The following VWA2 variants were observed in gnomAD, a reference collection of about 807,000 sequenced individuals.
VWA2 encodes von Willebrand factor A domain containing 2.
A neutral mutation model predicts 70.4 loss-of-function variants in VWA2; 73 were observed. The ratio of observed to expected loss-of-function variants is 1.04; its 90% CI spans 0.86 to 1.26. The LOEUF (loss-of-function observed/expected upper bound fraction) is 1.26. Ranked by LOEUF, VWA2 falls within the 50% of genes most tolerant of loss-of-function variation. The probability of loss-of-function intolerance (pLI) is 0.00; values close to 1 mark genes in which losing one functional copy is unlikely to be tolerated. For missense variants in VWA2, 1,011 were observed against 998.5 expected (o/e 1.01, Z -0.17); for synonymous variants, 407 against 423.3 (o/e 0.96, Z 0.47).
At chr10:114,246,267 G>C in intron 1 of VWA2, 1 of 707,496 alleles carries the variant, frequency 1.4e-6, no homozygotes, top group Non-Finnish European at 2.5e-6. Flanking sequence ...TCGGGAGGCC[G>C]AGGCGGTCGT....
chr10:114,278,911 G>T (rs2037920942), intron 8 of VWA2, 60 bp downstream of exon 8: 1 of 1,603,334 alleles, frequency 6.2e-7, no homozygotes, highest in Non-Finnish European at 8.5e-7. Flanking sequence ...CCCCTGAGCT[G>T]CGGGGAGGAT....
At chr10:114,246,122 T>TG in intron 1 of VWA2, 2 of 871,184 alleles carry the variant, frequency 2.3e-6, no homozygotes, top group Non-Finnish European at 3.7e-6. Context: ...GGTAGATCTC[T>TG]GGAGCCTTGG....
chr10:114,280,445 G>A (rs1462068406), intron 8 of VWA2, among the ~76,000 whole-genome samples: 1 of 152,178 alleles, frequency 6.6e-6, no homozygotes, highest in Non-Finnish European at 1.5e-5. Flanking sequence ...GTAGGCGGGG[G>A]GTTGGGGCAA....
chr10:114,240,206 C>T (rs2133269549), intron 1 of VWA2, among the ~76,000 whole-genome samples: 1 of 152,334 alleles, frequency 6.6e-6, no homozygotes, highest in African/African-American at 2.4e-5. Context: ...TGACTTCCCC[C>T]ACCTGGCTCA....
Position 114,277,933 on chromosome 10 carries a change from C to T in VWA2, c.586C>T (p.Leu196=), listed in dbSNP as rs1240195812. The part of the protein sequence containing the change: ...RFPRWEELHA[L]ASEPRGQHVL... ...GCACAGGTGGGAGGAGCTGCATGCA[C>T]TGGCCAGCGAGCCTAGAGGGCAGCA... Residue 196 remains leucine, a synonymous_variant, in exon 7 of 14, where the codon CTG becomes TTG. Coordinates refer to ENST00000392982, the MANE Select transcript of VWA2 (RefSeq NM_001272046.2). The T allele has an allele frequency of 6.2e-7, 1 of 1,609,988 alleles. No homozygotes were observed. The highest frequency in any genetic ancestry group is 1.7e-5 in the Admixed American group (1 of 59,908).
At chr10:114,254,708 G>T (rs1275823330) in intron 3 of VWA2, among the ~76,000 whole-genome samples, 8 of 152,188 alleles carry the variant, frequency 5.3e-5, no homozygotes, top group Non-Finnish European at 1.0e-4. Context: ...TAATACAAAG[G>T]CTTTCACGTA....
chr10:114,281,212 C>G (rs983366273), intron 8 of VWA2: 1 of 152,282 alleles, frequency 6.6e-6, no homozygotes, highest in African/African-American at 2.4e-5. Flanking sequence ...GGGAATGTTT[C>G]TGCCAAGGCC....
In VWA2 at chr10:114,275,019, C is replaced by T. The variant is rs971790804; in HGVS notation, c.566+2085C>T. The stretch of plus-strand genomic sequence containing the variant: ...ACATTGTACAGCTCAGTGTGGGAGC[C>T]GAGCAGACAGTTGGGTGTGAGAATC... On this transcript the variant is annotated intron_variant, in intron 6 of 13. Coordinates refer to ENST00000392982, the MANE Select transcript of VWA2 (RefSeq NM_001272046.2). 5.3e-5 allele frequency among the ~76,000 whole-genome samples: 8 copies of T among 151,982 alleles called. No individual in the cohort carries two copies. In the East Asian group the frequency reaches 7.7e-4, roughly 15 times the overall value.
Position 114,255,018 on chromosome 10 carries a change from C to A in VWA2, c.231C>A (p.Val77=). The change falls in exon 4 of 14, where the codon GTC becomes GTA. Residue 77 remains valine, a synonymous_variant. Coordinates refer to ENST00000392982, the MANE Select transcript of VWA2 (RefSeq NM_001272046.2). ...FERSKHFAIT[V]CDGLDISPER... ...GGTCCAAGCACTTTGCCATCACAGT[C>A]TGTGACGGTCTGGACATCAGCCCCG... is the stretch of plus-strand genomic sequence containing the variant. 1 of 1,612,752 alleles carries A rather than the reference C, an allele frequency of 6.2e-7. No homozygotes were observed. Among genetic ancestry groups the A allele is most frequent in the Non-Finnish European group, 8.5e-7 (1 of 1,179,936 alleles).
chr10:114,272,753 G>T lies in VWA2; in HGVS notation c.385G>T (p.Glu129Ter). The T allele has an allele frequency of 6.2e-7, 1 of 1,607,184 alleles. No individual in the cohort carries two copies. The highest frequency in any genetic ancestry group is 1.1e-5 in the South Asian group (1 of 89,870). ...KRMVFKGGRT[E>*]TELALKYLLH... ...GGGTGTGCACAGAGGAGGGCGCACGGAGACGGAACTTGCTCTGAAATACCT... is the reference window on the plus strand; with the variant it reads ...GGGTGTGCACAGAGGAGGGCGCACGTAGACGGAACTTGCTCTGAAATACCT... Residue 129 changes from glutamate to a stop codon, truncating the protein, a stop_gained, in exon 6 of 14, where the codon GAG (glutamate) becomes TAG (stop). Transcript: ENST00000392982. LOFTEE classifies it high-confidence loss of function.
intron 4 of VWA2, among the ~76,000 whole-genome samples, chr10:114,256,611 A>G (rs1310046304): frequency 6.6e-6 from 1 of 152,180 alleles, no homozygotes; most frequent in Non-Finnish European, 1.5e-5. Flanking sequence ...CTCAAAAGTC[A>G]ACTTAAAAAT....
At chr10:114,284,614 C>G (rs544906170) in intron 9 of VWA2, among the ~76,000 whole-genome samples, 1 of 152,362 alleles carries the variant, frequency 6.6e-6, no homozygotes. Flanking sequence ...TTCAGTCTAA[C>G]ACCAGTTCAT....
rs370540434 is a variant in VWA2, at chr10:114,286,169, C to T, written c.1228C>T (p.Leu410Phe). The change falls in exon 11 of 14, where the codon CTC (leucine) becomes TTC (phenylalanine). Residue 410 changes from leucine to phenylalanine, a missense_variant. Physicochemically the swap from Leu to Phe is conservative, Grantham distance 22. Transcript: ENST00000392982. ...YQDVPDLVWS[L>F]DGIPFRGGPT... ...GGATGTGCCTGACCTGGTCTGGAGC[C>T]TCGATGGCATTCCCTTCCGTGGTGG... 1.9e-6 allele frequency: 3 copies of T among 1,613,962 alleles called. No homozygotes were observed. In the African/African-American group the frequency reaches 4.0e-5, roughly 22 times the overall value.
chr10:114,241,725 G>A (rs3851558), intron 1 of VWA2, among the ~76,000 whole-genome samples: 38,320 of 152,076 alleles, frequency 0.25, 5,137 homozygotes, highest in African/African-American at 0.33. Flanking sequence ...GAAATTTCAT[G>A]TAATTATAGC....
At chr10:114,266,467 G>A (rs2037568873) in intron 5 of VWA2, among the ~76,000 whole-genome samples, 1 of 152,134 alleles carries the variant, frequency 6.6e-6, no homozygotes, top group Admixed American at 6.5e-5. Flanking sequence ...GATTAGGACA[G>A]CTCAACTCAA....
intron 1 of VWA2, among the ~76,000 whole-genome samples, chr10:114,241,332 A>G (rs1197288167): frequency 2.0e-5 from 3 of 152,346 alleles, no homozygotes; most frequent in Non-Finnish European, 4.4e-5. Flanking sequence ...ATCAAACAGC[A>G]TAGTTTCACT....
At chr10:114,267,581 G>A (rs1270635375) in intron 5 of VWA2, among the ~76,000 whole-genome samples, 7 of 149,618 alleles carry the variant, frequency 4.7e-5, no homozygotes, top group East Asian at 1.9e-4. Context: ...ACAGGCCCCC[G>A]CCACCACACC....
rs2037292811 is a variant in VWA2 at position 114,255,034 on chromosome 10, A to G, written c.247A>G (p.Ile83Val). 6.2e-7 allele frequency: 1 copy of G among 1,612,228 alleles called. No homozygotes were observed. The stretch of plus-strand genomic sequence containing the variant: ...CATCACAGTCTGTGACGGTCTGGAC[A>G]TCAGCCCCGAGAGGGTGAGTGCAAG... ...FAITVCDGLD[I>V]SPERVRVGAF... The change falls in exon 4 of 14, where the codon ATC becomes GTC. Residue 83 changes from isoleucine to valine, a missense_variant. Physicochemically the swap from Ile to Val is conservative, Grantham distance 29 (BLOSUM62 3). Coordinates refer to ENST00000392982, the MANE Select transcript of VWA2 (RefSeq NM_001272046.2).
chr10:114,248,868 C>A, intron 2 of VWA2, 103 bp downstream of exon 2: 1 of 1,090,642 alleles, frequency 9.2e-7, no homozygotes, highest in African/African-American at 1.6e-5. Flanking sequence ...CTCTTGAATC[C>A]ACCTGCATCT....
Sources: allele counts gnomAD v4.1 joint callset (sites outside exome capture counted in the v4.1 genomes callset), GRCh38; gene constraint gnomAD v4.1.1; transcripts MANE v1.5; gene names NCBI Gene and HGNC (gene_info 2026-07-23, HGNC 2026-07-21).